The following IGF1R variants were observed in gnomAD, a reference collection of about 807,000 sequenced individuals.
The protein encoded by IGF1R is insulin-like growth factor 1 receptor.
IGF1R carries 44 observed loss-of-function variants against 144.6 expected under a neutral mutation model. That is an observed-to-expected ratio of 0.30 (90% CI 0.24 to 0.39). The LOEUF (loss-of-function observed/expected upper bound fraction) is 0.39. Among genes scored for constraint, IGF1R ranks in the 10% least tolerant of loss-of-function variants. The pLI is 1.00. For missense variants in IGF1R, 1,355 were observed against 1,833.7 expected, an observed-to-expected ratio of 0.74 and a Z score of 4.77; for synonymous variants, 795 against 722.8, an observed-to-expected ratio of 1.10 and a Z score of -1.60.
At chr15:98,885,104 C>T (rs1246915698) in intron 2 of IGF1R, among the ~76,000 whole-genome samples, 4 of 152,328 alleles carry the variant, frequency 2.6e-5, no homozygotes, top group African/African-American at 9.6e-5. Context: ...AGTCCCTTCC[C>T]CTGGCAGGCA....
chr15:98,725,551 C>T (rs117067422), intron 2 of IGF1R, among the ~76,000 whole-genome samples: 6 of 152,172 alleles, frequency 3.9e-5, no homozygotes, highest in South Asian at 2.1e-4. Context: ...CCATGCATGC[C>T]GGTCTTTGGG....
intron 17 of IGF1R, 134 bp from the exon 18 acceptor site, chr15:98,939,067 C>G (rs888330133): frequency 1.4e-6 from 1 of 728,710 alleles, no homozygotes; most frequent in East Asian, 2.7e-5. Flanking sequence ...TCCTTCCGAG[C>G]AAGTCCTGGT....
intron 2 of IGF1R, among the ~76,000 whole-genome samples, chr15:98,713,544 A>G (rs949455684): frequency 6.6e-6 from 1 of 152,070 alleles, no homozygotes; most frequent in Non-Finnish European, 1.5e-5. Flanking sequence ...AAGATGATGG[A>G]GAAGTATGGA....
chr15:98,765,394 T>C (rs1299904409), intron 2 of IGF1R, among the ~76,000 whole-genome samples: 2 of 145,330 alleles, frequency 1.4e-5, no homozygotes, highest in African/African-American at 2.5e-5. Context: ...CTGCAACCTC[T>C]GCCTCCCAGG....
intron 2 of IGF1R, among the ~76,000 whole-genome samples, chr15:98,827,943 C>G (rs1186296900): frequency 6.6e-6 from 1 of 152,148 alleles, no homozygotes; most frequent in South Asian, 2.1e-4. Context: ...TGTTTTCTCC[C>G]ACACCTGTCC....
chr15:98,693,559 C>T (rs1055199948), intron 1 of IGF1R, among the ~76,000 whole-genome samples: 12 of 152,128 alleles, frequency 7.9e-5, no homozygotes, highest in African/African-American at 2.4e-4. Context: ...CCTTTTGGGT[C>T]GTCTCCACCT....
intron 2 of IGF1R, among the ~76,000 whole-genome samples, chr15:98,852,050 G>A (rs2011549320): frequency 6.6e-6 from 1 of 152,234 alleles, no homozygotes; most frequent in South Asian, 2.1e-4. Flanking sequence ...TGGAGGGTTG[G>A]GGTGGAGGGC....
At chr15:98,951,656 C>T (rs1596485850) in intron 20 of IGF1R, among the ~76,000 whole-genome samples, 1 of 152,222 alleles carries the variant, frequency 6.6e-6, no homozygotes, top group African/African-American at 2.4e-5. Flanking sequence ...GAGGCAGACC[C>T]ACTTCCAAGG....
chr15:98,804,218 G>T (rs2056423964), intron 2 of IGF1R, among the ~76,000 whole-genome samples: 1 of 152,214 alleles, frequency 6.6e-6, no homozygotes, highest in South Asian at 2.1e-4. Context: ...GAAATGCATA[G>T]CCTGTTTCAT....
At chr15:98,777,550 G>A (rs562093225) in intron 2 of IGF1R, among the ~76,000 whole-genome samples, 66 of 152,348 alleles carry the variant, frequency 4.3e-4, no homozygotes, top group African/African-American at 1.5e-3. Flanking sequence ...GGAACCTCAA[G>A]GGTGCAGGCG....
chr15:98,801,166 C>T (rs921521823), intron 2 of IGF1R, among the ~76,000 whole-genome samples: 1 of 152,156 alleles, frequency 6.6e-6, no homozygotes, highest in Non-Finnish European at 1.5e-5. Flanking sequence ...CCTCAGAGCC[C>T]TCAAAGCCCT....
intron 1 of IGF1R, among the ~76,000 whole-genome samples, chr15:98,654,619 A>G (rs577078828): frequency 6.6e-6 from 1 of 152,168 alleles, no homozygotes; most frequent in East Asian, 1.9e-4. Flanking sequence ...ATTTTCCCCA[A>G]TTTGTTTTCA....
chr15:98,925,171 A>G (rs2015663152), intron 13 of IGF1R, among the ~76,000 whole-genome samples: 1 of 152,140 alleles, frequency 6.6e-6, no homozygotes, highest in South Asian at 2.1e-4. Flanking sequence ...TCTCCACGGT[A>G]GCATCGCAGA....
chr15:98,797,518 A>T (rs1189250709), intron 2 of IGF1R, among the ~76,000 whole-genome samples: 1 of 152,208 alleles, frequency 6.6e-6, no homozygotes, highest in African/African-American at 2.4e-5. Flanking sequence ...CTCCCAGGTC[A>T]GATGGAGAGC....
intron 2 of IGF1R, among the ~76,000 whole-genome samples, chr15:98,781,355 A>G (rs1471037755): frequency 6.6e-6 from 1 of 152,168 alleles, no homozygotes; most frequent in Non-Finnish European, 1.5e-5. Context: ...AGGGTGTAGA[A>G]GGGACTTGCC....
chr15:98,794,714 T>C (rs1324342258), intron 2 of IGF1R, among the ~76,000 whole-genome samples: 4 of 152,196 alleles, frequency 2.6e-5, no homozygotes, highest in Non-Finnish European at 5.9e-5. Context: ...AAATCAGTAA[T>C]GAGTTTCAAA....
chr15:98,913,047 C>T lies in IGF1R; in HGVS notation c.1593C>T (p.Pro531=), dbSNP rs2151676802. The change falls in exon 8 of 21, where the codon CCC becomes CCT. Residue 531 remains proline, a synonymous_variant. Transcript: ENST00000650285. Reference sequence around the variant, plus strand: ...TCTGAACTTAATTGTCTTTCAGACCCTTTAAGAATGTCACAGAGTATGATG... The same window carrying T: ...TCTGAACTTAATTGTCTTTCAGACCTTTTAAGAATGTCACAGAGTATGATG... ...ISFTVYYKEA[P]FKNVTEYDGQ... is the part of the protein sequence containing the mutation. 2 of 1,611,552 alleles carry T rather than the reference C, an allele frequency of 1.2e-6. No homozygotes were observed. The highest frequency in any genetic ancestry group is 1.7e-6 in the Non-Finnish European group (2 of 1,177,648).
chr15:98,661,483 C>A (rs1475715524), intron 1 of IGF1R, among the ~76,000 whole-genome samples: 1 of 152,186 alleles, frequency 6.6e-6, no homozygotes, highest in Non-Finnish European at 1.5e-5. Context: ...TCATTTGAAG[C>A]TGGAATGTTA....
chr15:98,651,273 A>T (rs906588007), intron 1 of IGF1R, among the ~76,000 whole-genome samples: 4 of 152,230 alleles, frequency 2.6e-5, no homozygotes, highest in African/African-American at 9.6e-5. Flanking sequence ...TCCGCGACGG[A>T]ACGAGAGCAG....
Sources: gnomAD v4.1 joint callset for allele counts (sites outside exome capture counted in the v4.1 genomes callset) on GRCh38, gnomAD v4.1.1 for gene constraint, MANE v1.5 for transcripts, NCBI Gene and HGNC (gene_info 2026-07-23, HGNC 2026-07-21) for gene names.